The following ERG variants were observed in gnomAD, a reference collection of about 807,000 sequenced individuals.
ERG encodes the protein ETS transcription factor ERG.
Under a neutral mutation model 55.3 loss-of-function variants are expected in ERG, and 9 were observed. The observed-to-expected ratio is 0.16, with a 90% CI of 0.10 to 0.28. The LOEUF is 0.28. Among genes scored for constraint, ERG ranks in the 10% least tolerant of loss-of-function variants. The probability of loss-of-function intolerance (pLI) is 1.00; values close to 1 mark genes in which losing one functional copy is unlikely to be tolerated. For synonymous variants in ERG, 223 were observed against 237.3 expected (o/e 0.94, Z 0.55); for missense variants, 434 against 631.6 (o/e 0.69, Z 3.35).
intron 6 of ERG, chr21:38,395,362 C>T (rs750376901): frequency 1.4e-4 from 31 of 226,802 alleles, no homozygotes; most frequent in Non-Finnish European, 2.2e-4. Context: ...AAAAATCACT[C>T]CTCTATGTAT....
At chr21:38,416,881 C>CACGTGAGTTGGGGATGTG (rs1601363322) in intron 3 of ERG, among the ~76,000 whole-genome samples, 1 of 152,276 alleles carries the variant, frequency 6.6e-6, no homozygotes, top group East Asian at 1.9e-4. Context: ...GAAAATGCAG[C>CACGTGAGTTGGGGATGTG]GCGTGAGTTG....
At chr21:38,506,126 A>G (rs2059458907) in intron 2 of ERG, among the ~76,000 whole-genome samples, 1 of 152,214 alleles carries the variant, frequency 6.6e-6, no homozygotes, top group Non-Finnish European at 1.5e-5. Flanking sequence ...GATTAAAGGC[A>G]TAAATCTGGG....
At position 38,637,384 on chromosome 21, in the gene ERG, T is replaced by C. The variant is rs76727999; in HGVS notation, c.-150+24274A>G. Among the ~76,000 whole-genome samples, 378 of 152,340 alleles carry C rather than the reference T, an allele frequency of 2.5e-3. 1 individual carries two copies. The highest frequency in any genetic ancestry group is 3.7e-3 in the Non-Finnish European group (251 of 68,026). On this transcript the variant is annotated intron_variant, in intron 1 of 10. Coordinates refer to the ERG transcript ENST00000398910. ...TTCTTACTAATCTGGGTGTTCAAAA[T>C]AGTCTTTCTACTTACTTGGGCTCAA...
At chr21:38,511,377 C>T (rs1376465600) in intron 2 of ERG, among the ~76,000 whole-genome samples, 1 of 152,274 alleles carries the variant, frequency 6.6e-6, no homozygotes, top group East Asian at 1.9e-4. Flanking sequence ...GGGTACAAAG[C>T]TAGGCATTGA....
intron 1 of ERG, among the ~76,000 whole-genome samples, chr21:38,467,572 G>A (rs138233408): frequency 6.6e-6 from 1 of 152,176 alleles, no homozygotes. Context: ...AACCCTGAAA[G>A]ACACACCCGC....
At chr21:38,499,862 A>AAGGG (rs1346436756), upstream of ERG, among the ~76,000 whole-genome samples, 2 of 139,818 alleles carry the variant, frequency 1.4e-5, no homozygotes, top group Non-Finnish European at 3.1e-5. Context: ...AGGAAGGAGA[A>AAGGG]AGGGAGGGAG....
rs2059394686 is a variant in ERG, at chr21:38,498,087, G to C, written c.18+276C>G. On this transcript the variant is annotated intron_variant, in intron 1 of 9. Transcript: ENST00000288319. This position sits in a 1 kb window ranked among gnomAD's most constrained non-coding sequence, Gnocchi z 4.6. The stretch of plus-strand genomic sequence containing the variant: ...GATAGTTAGAGAATCTGAAAATTCA[G>C]AAGCGCTCCGAAAAGCCTTTCCAAA... Among the ~76,000 whole-genome samples, 1 of 152,212 alleles carries C rather than the reference G, an allele frequency of 6.6e-6. No homozygotes were observed. Among genetic ancestry groups the C allele is most frequent in the Non-Finnish European group, 1.5e-5 (1 of 68,042 alleles).
intron 1 of ERG, among the ~76,000 whole-genome samples, chr21:38,456,669 C>A (rs967240400): frequency 1.3e-4 from 20 of 152,314 alleles, no homozygotes; most frequent in Admixed American, 1.2e-3. Context: ...TTCTTAGACG[C>A]TGACTTACGT....
chr21:38,626,120 C>T (rs1416189605), intron 1 of ERG, among the ~76,000 whole-genome samples: 1 of 152,064 alleles, frequency 6.6e-6, no homozygotes, highest in African/African-American at 2.4e-5. Context: ...CAGGGTTTCA[C>T]TATGTTGGCC....
rs114539388 is a variant in ERG at position 38,381,360 on chromosome 21, T to C, written c.*2043A>G. 2.7e-3 allele frequency: 2,908 copies of C among 1,063,818 alleles called. 63 individuals are homozygous for C. In the African/African-American group the frequency reaches 0.041, roughly 15 times the overall value. The allele number at this position is 1,063,818 out of a possible 1,614,324, so 65.9% of individuals were successfully genotyped here. ...GGACCAAGGTTGGCAGCATTTGTGA[T>C]TCAAAGAAAAGATGCCCAGGGAAAC... On this transcript the variant is annotated 3_prime_UTR_variant, in exon 10 of 10. Coordinates refer to ENST00000288319, the MANE Select transcript of ERG (RefSeq NM_182918.4).
intron 2 of ERG, among the ~76,000 whole-genome samples, chr21:38,513,851 G>C (rs1247197486): frequency 6.6e-6 from 1 of 151,964 alleles, no homozygotes; most frequent in African/African-American, 2.4e-5. Flanking sequence ...AACCAAATCT[G>C]GTTCTCTGAA....
chr21:38,571,919 A>C (rs2059960272), intron 2 of ERG, among the ~76,000 whole-genome samples: 1 of 152,216 alleles, frequency 6.6e-6, no homozygotes, highest in Non-Finnish European at 1.5e-5. Context: ...CACGGGAATC[A>C]CACCTGCAGT....
At chr21:38,412,825 G>A (rs1456346503) in intron 3 of ERG, among the ~76,000 whole-genome samples, 2 of 151,706 alleles carry the variant, frequency 1.3e-5, no homozygotes, top group Admixed American at 1.3e-4. Flanking sequence ...CTATTTTTTT[G>A]TAATTTGCGG....
chr21:38,633,516 C>T (rs916169977), intron 1 of ERG, among the ~76,000 whole-genome samples: 8 of 152,196 alleles, frequency 5.3e-5, no homozygotes, highest in African/African-American at 1.7e-4. Context: ...CAAATGTCAT[C>T]GTTATCAACG....
At chr21:38,649,719 C>T (rs770526148) in intron 1 of ERG, among the ~76,000 whole-genome samples, 1 of 152,116 alleles carries the variant, frequency 6.6e-6, no homozygotes, top group Admixed American at 6.6e-5. Flanking sequence ...TTCAGTTACC[C>T]CTAAAGGGCT....
intron 1 of ERG, among the ~76,000 whole-genome samples, chr21:38,623,947 T>C (rs2060309154): frequency 6.6e-6 from 1 of 152,228 alleles, no homozygotes; most frequent in East Asian, 1.9e-4. Context: ...CAATAATTTT[T>C]TTAAAGATCC....
chr21:38,523,020 G>A (rs1048668987), intron 2 of ERG, among the ~76,000 whole-genome samples: 1 of 152,194 alleles, frequency 6.6e-6, no homozygotes, highest in Non-Finnish European at 1.5e-5. Flanking sequence ...ACTTCTCAAA[G>A]TGGGAGCAAC....
upstream of ERG, among the ~76,000 whole-genome samples, chr21:38,499,524 G>A (rs1297225787): frequency 6.6e-6 from 1 of 152,158 alleles, no homozygotes; most frequent in Non-Finnish European, 1.5e-5. Flanking sequence ...GCGACCCCAA[G>A]AACACAATAG....
intron 3 of ERG, among the ~76,000 whole-genome samples, chr21:38,413,187 T>A (rs1395690999): frequency 6.6e-6 from 1 of 152,190 alleles, no homozygotes; most frequent in African/African-American, 2.4e-5. Flanking sequence ...TCTGCTCTAT[T>A]CTCACTTTTT....
Sources: allele counts gnomAD v4.1 joint callset (sites outside exome capture counted in the v4.1 genomes callset), GRCh38; gene constraint gnomAD v4.1.1; non-coding constraint Gnocchi (gnomAD v3.1); transcripts MANE v1.5; gene names NCBI Gene and HGNC (gene_info 2026-07-23, HGNC 2026-07-21).